Variants in FLI1 observed in about 807,000 individuals in gnomAD.
FLI1 encodes the protein Fli-1 proto-oncogene, ETS transcription factor, also known as Friend leukemia integration 1 transcription factor.
A neutral mutation model predicts 53.1 loss-of-function variants in FLI1; 13 were observed. That is an observed-to-expected ratio of 0.24 (90% CI 0.16 to 0.39). FLI1 has a LOEUF of 0.39. FLI1 is among the 10% of genes least tolerant of loss of function. The pLI is 1.00. For missense variants in FLI1, 424 were observed against 600.5 expected (o/e 0.71, Z 3.07); for synonymous variants, 244 against 236.7 (o/e 1.03, Z -0.28).
intron 1 of FLI1, among the ~76,000 whole-genome samples, chr11:128,733,564 A>G (rs1939786350): frequency 6.6e-6 from 1 of 152,358 alleles, no homozygotes; most frequent in African/African-American, 2.4e-5. Flanking sequence ...AAAGTGAGTC[A>G]CAGACAGCAA....
At chr11:128,793,707 A>G (rs150103466) in intron 5 of FLI1, among the ~76,000 whole-genome samples, 117 of 152,350 alleles carry the variant, frequency 7.7e-4, no homozygotes, top group African/African-American at 2.7e-3. Flanking sequence ...CACCCTGAAT[A>G]AATCAAGACC....
At chr11:128,790,006 C>T (rs1358573335) in intron 5 of FLI1, among the ~76,000 whole-genome samples, 5 of 151,328 alleles carry the variant, frequency 3.3e-5, no homozygotes, top group Admixed American at 3.3e-4. Context: ...ATGAAATGTG[C>T]CTAAGCCATT....
At chr11:128,798,989 C>A (rs1366475903) in intron 5 of FLI1, among the ~76,000 whole-genome samples, 1 of 150,654 alleles carries the variant, frequency 6.6e-6, no homozygotes, top group African/African-American at 2.4e-5. Context: ...TCCACCTCTT[C>A]TTTTAAAAGA....
intron 8 of FLI1, 134 bp downstream of exon 8, chr11:128,809,338 G>A (rs1021746077): frequency 1.3e-5 from 10 of 781,822 alleles, no homozygotes; most frequent in Non-Finnish European, 2.0e-5. Flanking sequence ...AATGTTCAAT[G>A]TCTGTTTCTG....
intron 5 of FLI1, among the ~76,000 whole-genome samples, chr11:128,790,525 T>C (rs1307420306): frequency 6.6e-6 from 1 of 152,242 alleles, no homozygotes; most frequent in Non-Finnish European, 1.5e-5. Context: ...CCATTATCCT[T>C]CCTTTCTCTA....
intron 1 of FLI1, among the ~76,000 whole-genome samples, chr11:128,732,650 G>A (rs1392714845): frequency 6.6e-6 from 1 of 152,198 alleles, no homozygotes; most frequent in Non-Finnish European, 1.5e-5. Flanking sequence ...GATTGGAGAA[G>A]TCAAGGAAAG....
At chr11:128,745,289 A>T (rs935722589) in intron 1 of FLI1, among the ~76,000 whole-genome samples, 3 of 152,150 alleles carry the variant, frequency 2.0e-5, no homozygotes, top group Admixed American at 6.5e-5. Flanking sequence ...AAAGGAAAGG[A>T]GGAGCAGAAT....
chr11:128,720,773 C>T (rs977117605), intron 1 of FLI1, among the ~76,000 whole-genome samples: 6 of 152,226 alleles, frequency 3.9e-5, no homozygotes, highest in African/African-American at 1.2e-4. Flanking sequence ...GTGACTCCCG[C>T]GTCTCCAAGC....
intron 1 of FLI1, among the ~76,000 whole-genome samples, chr11:128,734,354 A>G (rs1022880605): frequency 2.6e-5 from 4 of 152,224 alleles, no homozygotes; most frequent in Non-Finnish European, 4.4e-5. Context: ...CAGATGGAAG[A>G]AGGCTATTCT....
At chr11:128,753,905 T>G (rs1312626845) in intron 1 of FLI1, among the ~76,000 whole-genome samples, 1 of 152,068 alleles carries the variant, frequency 6.6e-6, no homozygotes, top group Non-Finnish European at 1.5e-5. Context: ...GGTCTTGGGG[T>G]GCTCCTAAAG....
In FLI1 at chr11:128,783,525, G is replaced by A. The variant is rs188267241; in HGVS notation, c.655+1502G>A. 2.3e-3 allele frequency among the ~76,000 whole-genome samples: 352 copies of A among 152,162 alleles called. 1 individual carries two copies. The highest frequency in any genetic ancestry group is 3.6e-3 in the Non-Finnish European group (243 of 68,000). On this transcript the variant is annotated intron_variant, in intron 5 of 8. Transcript: ENST00000527786. The stretch of plus-strand genomic sequence containing the variant: ...AGATTTCTTGAGTTTTGTCATGAAC[G>A]CTGAATTTCTATGGATTCATTCTAC...
chr11:128,741,873 T>C (rs185987115), intron 1 of FLI1, among the ~76,000 whole-genome samples: 57 of 152,028 alleles, frequency 3.7e-4, no homozygotes, highest in African/African-American at 1.4e-3. Context: ...GGATGCTGAG[T>C]GGGGGAGGCT....
intron 1 of FLI1, among the ~76,000 whole-genome samples, chr11:128,697,734 A>G (rs759347660): frequency 6.6e-6 from 1 of 152,222 alleles, no homozygotes; most frequent in Non-Finnish European, 1.5e-5. Flanking sequence ...CACAGGTCCA[A>G]ATTTACCATC....
At chr11:128,793,455 C>G (rs140722109) in intron 5 of FLI1, among the ~76,000 whole-genome samples, 16 of 152,142 alleles carry the variant, frequency 1.1e-4, no homozygotes, top group African/African-American at 3.9e-4. Flanking sequence ...AATCTCCTTC[C>G]ATTGCTCTGG....
At chr11:128,799,040 A>AT (rs1360505352) in intron 5 of FLI1, among the ~76,000 whole-genome samples, 45 of 131,432 alleles carry the variant, frequency 3.4e-4, no homozygotes, top group Middle Eastern at 8.7e-3. Flanking sequence ...TATTATTATT[A>AT]TTATTATTAT....
Position 128,731,309 on chromosome 11 carries a change from G to T in FLI1, c.19-26806G>T, listed in dbSNP as rs1020557863. On this transcript the variant is annotated intron_variant, in intron 1 of 8. Transcript: ENST00000527786. ...AGCCCTTAGGACCTAAATGTGGGGGGGTTGGTGAGTTTGCTCTCATCTTCT... is the reference window on the plus strand; with the variant it reads ...AGCCCTTAGGACCTAAATGTGGGGGTGTTGGTGAGTTTGCTCTCATCTTCT... Among the ~76,000 whole-genome samples, 2 of 152,168 alleles carry T rather than the reference G, an allele frequency of 1.3e-5. 1 individual carries two copies. Among genetic ancestry groups the T allele is most frequent in the Non-Finnish European group, 2.9e-5 (2 of 68,026 alleles).
At chr11:128,721,679 G>A (rs1036701139) in intron 1 of FLI1, among the ~76,000 whole-genome samples, 4 of 152,194 alleles carry the variant, frequency 2.6e-5, no homozygotes, top group African/African-American at 9.7e-5. Flanking sequence ...ACCTTTGGGG[G>A]CTGGGATGTT....
intron 1 of FLI1, among the ~76,000 whole-genome samples, chr11:128,723,871 C>G (rs11221444): frequency 1.3e-5 from 2 of 150,660 alleles, no homozygotes; most frequent in South Asian, 2.1e-4. Context: ...GCAACCAGCT[C>G]TACTGGAAAG....
At chr11:128,702,865 G>GAAAAAAAA (rs10677310) in intron 1 of FLI1, among the ~76,000 whole-genome samples, 1 of 134,730 alleles carries the variant, frequency 7.4e-6, no homozygotes, top group Non-Finnish European at 1.6e-5. Flanking sequence ...CTGTCTCAAA[G>GAAAAAAAA]AAAAAAAAAA....
Sources: allele counts gnomAD v4.1 joint callset (sites outside exome capture counted in the v4.1 genomes callset), GRCh38; gene constraint gnomAD v4.1.1; transcripts MANE v1.5; gene names NCBI Gene and HGNC (gene_info 2026-07-23, HGNC 2026-07-21).